KIT: variants seen among roughly 807,000 people sequenced by gnomAD.
KIT encodes the protein KIT proto-oncogene, receptor tyrosine kinase, also known as mast/stem cell growth factor receptor Kit.
In KIT, 16 loss-of-function variants were observed where a neutral mutation model predicts 105.7. The ratio of observed to expected loss-of-function variants is 0.15; its 90% CI spans 0.10 to 0.23. KIT has a LOEUF of 0.23. Ranked by LOEUF, KIT falls within the 10% of genes least tolerant of loss-of-function variation. KIT has a pLI of 1.00. For synonymous variants in KIT, 438 were observed against 441.1 expected, an observed-to-expected ratio of 0.99 and a Z score of 0.09; for missense variants, 858 against 1,213.8, an observed-to-expected ratio of 0.71 and a Z score of 4.36.
chr4:54,722,336 C>T (rs1311859696), intron 7 of KIT, among the ~76,000 whole-genome samples: 1 of 152,102 alleles, frequency 6.6e-6, no homozygotes, highest in Non-Finnish European at 1.5e-5. Flanking sequence ...TCATTCTTAG[C>T]TCTCTGTATG....
intron 5 of KIT, among the ~76,000 whole-genome samples, chr4:54,705,528 T>C (rs1004960987): frequency 1.3e-5 from 2 of 152,220 alleles, no homozygotes; most frequent in African/African-American, 4.8e-5. Context: ...AGCAAATTAA[T>C]GTATTCATCA....
chr4:54,662,705 T>G (rs1192284345), intron 1 of KIT, among the ~76,000 whole-genome samples: 1 of 152,112 alleles, frequency 6.6e-6, no homozygotes, highest in Non-Finnish European at 1.5e-5. Flanking sequence ...CCTGAGTAGC[T>G]GGGATTACAG....
intron 7 of KIT, among the ~76,000 whole-genome samples, chr4:54,716,679 A>T (rs1020878471): frequency 6.6e-6 from 1 of 152,198 alleles, no homozygotes; most frequent in African/African-American, 2.4e-5. Context: ...ATTTTGAGAC[A>T]TCCAGGAGCG....
At chr4:54,726,341 G>T (rs1722216080) in intron 9 of KIT, among the ~76,000 whole-genome samples, 1 of 152,040 alleles carries the variant, frequency 6.6e-6, no homozygotes. Context: ...GCAAATGGGG[G>T]AATATATTTA....
chr4:54,717,682 T>G (rs1003169003), intron 7 of KIT, among the ~76,000 whole-genome samples: 1 of 152,192 alleles, frequency 6.6e-6, no homozygotes, highest in African/African-American at 2.4e-5. Context: ...TACAGATATA[T>G]GCAAGGTCAC....
intron 1 of KIT, among the ~76,000 whole-genome samples, chr4:54,659,873 C>G (rs1717116480): frequency 6.6e-6 from 1 of 152,016 alleles, no homozygotes; most frequent in African/African-American, 2.4e-5. Flanking sequence ...ATTTTAAGGT[C>G]TGTCTCCTGG....
intron 1 of KIT, among the ~76,000 whole-genome samples, chr4:54,680,870 C>T (rs1040792314): frequency 2.6e-5 from 4 of 152,160 alleles, no homozygotes; most frequent in Non-Finnish European, 5.9e-5. Context: ...AGGCAGTTTG[C>T]ACTTGTCAGG....
chr4:54,676,244 C>A (rs1718459883), intron 1 of KIT, among the ~76,000 whole-genome samples: 1 of 151,764 alleles, frequency 6.6e-6, no homozygotes, highest in African/African-American at 2.4e-5. Context: ...CGCCCCCACC[C>A]AAGAACCTGC....
At position 54,658,053 on chromosome 4, in the gene KIT, T is replaced by G; in HGVS notation, c.39T>G (p.Val13=). The change falls in exon 1 of 21, where the codon GTT becomes GTG. Residue 13 remains valine, a synonymous_variant. Transcript: ENST00000288135. ...GCGGCGCCTGGGATTTTCTCTGCGT[T>G]CTGCTCCTACTGCTTCGCGTCCAGA... ...GARGAWDFLC[V]LLLLLRVQTG... 1 of 1,613,856 alleles carries G rather than the reference T, an allele frequency of 6.2e-7. No homozygotes were observed. Among genetic ancestry groups the G allele is most frequent in the Non-Finnish European group, 8.5e-7 (1 of 1,179,866 alleles).
chr4:54,677,832 A>G (rs1718591170), intron 1 of KIT, among the ~76,000 whole-genome samples: 1 of 152,264 alleles, frequency 6.6e-6, no homozygotes, highest in Non-Finnish European at 1.5e-5. Context: ...CTGATTTAAT[A>G]GAAAGCTTGA....
chr4:54,661,679 T>C (rs1338739609), intron 1 of KIT, among the ~76,000 whole-genome samples: 1 of 152,272 alleles, frequency 6.6e-6, no homozygotes, highest in Non-Finnish European at 1.5e-5. Flanking sequence ...AATCCAAATA[T>C]GCAAATTTCA....
Position 54,737,210 on chromosome 4 carries a change from C to G in KIT, c.2732C>G (p.Pro911Arg). ...ATGAAGACTTGCTGGGATGCAGATC[C>G]CCTAAAAAGACCAACATTCAAGCAA... ...DIMKTCWDAD[P>R]LKRPTFKQIV... The change falls in exon 20 of 21, where the codon CCC (proline) becomes CGC (arginine). Residue 911 changes from proline to arginine, a missense_variant. Physicochemically the swap from Pro to Arg is moderately radical, Grantham distance 103 (BLOSUM62 -2). This residue lies in a region of KIT where 105 missense variants were observed against 103.5 expected (regional missense o/e 1.01). Coordinates refer to ENST00000288135, the MANE Select transcript of KIT (RefSeq NM_000222.3). The G allele has an allele frequency of 6.2e-7, 1 of 1,613,764 alleles. No individual in the cohort carries two copies. Among genetic ancestry groups the G allele is most frequent in the Non-Finnish European group, 8.5e-7 (1 of 1,179,790 alleles).
intron 4 of KIT, among the ~76,000 whole-genome samples, chr4:54,700,465 T>A (rs1720386445): frequency 1.3e-5 from 2 of 152,236 alleles, no homozygotes; most frequent in Non-Finnish European, 2.9e-5. Flanking sequence ...TTTAGCTAGT[T>A]ACTGAAATTT....
At chr4:54,675,905 A>C (rs1419033889) in intron 1 of KIT, among the ~76,000 whole-genome samples, 1 of 152,096 alleles carries the variant, frequency 6.6e-6, no homozygotes, top group African/African-American at 2.4e-5. Flanking sequence ...CGGTGTCACT[A>C]TTCTGGAGTC....
intron 1 of KIT, among the ~76,000 whole-genome samples, chr4:54,675,740 T>C (rs1718418494): frequency 6.6e-6 from 1 of 152,182 alleles, no homozygotes; most frequent in Admixed American, 6.5e-5. Flanking sequence ...GAACACAGAC[T>C]GTCCAGGGAG....
chr4:54,717,685 A>G (rs1056269283), intron 7 of KIT, among the ~76,000 whole-genome samples: 2 of 152,164 alleles, frequency 1.3e-5, no homozygotes, highest in African/African-American at 4.8e-5. Flanking sequence ...AGATATATGC[A>G]AGGTCACCTG....
intron 7 of KIT, among the ~76,000 whole-genome samples, chr4:54,710,540 T>C (rs1296727416): frequency 6.6e-6 from 1 of 152,032 alleles, no homozygotes; most frequent in Non-Finnish European, 1.5e-5. Context: ...CGAGGTGTTG[T>C]GGTTTTGTTT....
At chr4:54,723,551 C>CTCTGACATATGGCCATTTCTGTT (rs766064626) in intron 7 of KIT, 33 bp from the exon 8 acceptor site, 2 of 1,426,462 alleles carry the variant, frequency 1.4e-6, no homozygotes, top group African/African-American at 2.8e-5. Flanking sequence ...TTTTCCAGCA[C>CTCTGACATATGGCCATTTCTGTT]TCTGACATAT....
chr4:54,715,051 A>G (rs1721387258), intron 7 of KIT, among the ~76,000 whole-genome samples: 1 of 152,224 alleles, frequency 6.6e-6, no homozygotes, highest in African/African-American at 2.4e-5. Flanking sequence ...ATAATGTATT[A>G]TTTCCAAATC....
Sources: gnomAD v4.1 joint callset for allele counts (sites outside exome capture counted in the v4.1 genomes callset) on GRCh38, gnomAD v4.1.1 for gene constraint, gnomAD v4.1.1 regional missense constraint, MANE v1.5 for transcripts, NCBI Gene and HGNC (gene_info 2026-07-23, HGNC 2026-07-21) for gene names.